MMP12: variants seen among roughly 807,000 people sequenced by gnomAD.
MMP12 encodes the protein matrix metallopeptidase 12, also known as macrophage metalloelastase.
A neutral mutation model predicts 45.2 loss-of-function variants in MMP12; 51 were observed. The ratio of observed to expected loss-of-function variants is 1.13; its 90% confidence interval spans 0.90 to 1.42. The LOEUF (loss-of-function observed/expected upper bound fraction) is 1.42. Ranked by LOEUF, MMP12 falls within the 40% of genes most tolerant of loss-of-function variation. MMP12 has a pLI of 0.00. For synonymous variants in MMP12, 210 were observed against 193.3 expected (o/e 1.09, Z -0.72); for missense variants, 530 against 570.8 (o/e 0.93, Z 0.73).
At chr11:102,873,961 G>A (rs910201603) in intron 1 of MMP12, among the ~76,000 whole-genome samples, 18 of 151,202 alleles carry the variant, frequency 1.2e-4, no homozygotes, top group Admixed American at 2.0e-4. Context: ...CCCAGGAGAC[G>A]GAGGTTGCAG....
Position 102,866,322 on chromosome 11 carries a change from A to T in MMP12, c.1038T>A (p.Leu346=). Residue 346 remains leucine (L), a synonymous_variant, in exon 7 of 10, where the codon CTT becomes CTA. Coordinates refer to ENST00000571244, the MANE Select transcript of MMP12 (RefSeq NM_002426.6). ...ACTAAAGATTAGAATTACCTTTAAAAAGAAAAACTTGATTTCTGGCTTCAA... is the reference window on the plus strand; with the variant it reads ...ACTAAAGATTAGAATTACCTTTAAATAGAAAAACTTGATTTCTGGCTTCAA... The part of the protein sequence containing the change: ...YEIEARNQVF[L]FKDDKYWLIS... The T allele has an allele frequency of 6.3e-7, 1 of 1,577,066 alleles. No individual in the cohort carries two copies. Among genetic ancestry groups the T allele is most frequent in the Admixed American group, 1.9e-5 (1 of 53,218 alleles).
chr11:102,874,136 A>G (rs897712763), intron 1 of MMP12, among the ~76,000 whole-genome samples: 2 of 152,120 alleles, frequency 1.3e-5, no homozygotes, highest in East Asian at 1.9e-4. Context: ...ACTCAAAGCT[A>G]AACAAAATGG....
chr11:102,867,771 G>C (rs1333241603), intron 5 of MMP12, 137 bp downstream of exon 5: 8 of 885,516 alleles, frequency 9.0e-6, no homozygotes, highest in Non-Finnish European at 1.4e-5. Flanking sequence ...GATAATACCT[G>C]TGTCACCTGC....
intron 9 of MMP12, among the ~76,000 whole-genome samples, 197 bp from the exon 10 acceptor site, chr11:102,863,397 A>G (rs1555008096): frequency 6.6e-6 from 1 of 152,170 alleles, no homozygotes; most frequent in Non-Finnish European, 1.5e-5. Flanking sequence ...CAGCCTGGCC[A>G]TCATCACAAG....
chr11:102,866,274 C>T (rs563624648), intron 7 of MMP12, 41 bp downstream of exon 7: 2 of 1,523,040 alleles, frequency 1.3e-6, no homozygotes, highest in African/African-American at 1.4e-5. Context: ...TATTCTCTTC[C>T]TTGAAGTAAA....
At position 102,872,922 on chromosome 11, in the gene MMP12, TG is replaced by T; in HGVS notation, c.292del (p.His98IlefsTer28). 1 of 1,613,858 alleles carries T rather than the reference TG, an allele frequency of 6.2e-7. No individual in the cohort carries two copies. Among genetic ancestry groups the T allele is most frequent in the South Asian group, 1.1e-5 (1 of 91,036 alleles). On this transcript the variant is annotated frameshift_variant, in exon 2 of 10. Coordinates refer to ENST00000571244, the MANE Select transcript of MMP12 (RefSeq NM_002426.6). LOFTEE classifies it high-confidence loss of function. Reference sequence around the variant, plus strand: ...CCCCCCTGGCATTTCCCTGAAATGATGGACATCGGGGACTCCACATCGAGGT... The same window carrying T: ...CCCCCCTGGCATTTCCCTGAAATGATGACATCGGGGACTCCACATCGAGGT... ...HAPRCGVPDV[H>X]HFREMPGGPV...
rs1555008856 is a variant in MMP12 at position 102,868,061 on chromosome 11, A to G, written c.634T>C (p.Leu212=). The G allele has an allele frequency of 6.3e-7, 1 of 1,594,886 alleles. No homozygotes were observed. Among genetic ancestry groups the G allele is most frequent in the South Asian group, 1.1e-5 (1 of 87,426 alleles). Residue 212 remains leucine, a synonymous_variant, in exon 5 of 10, where the codon TTG becomes CTG. Coordinates refer to ENST00000571244, the MANE Select transcript of MMP12 (RefSeq NM_002426.6). ...ATCTCGTGAACAGCAGTGAGGAACA[A>G]GTTTGTGCCTAAGAAGAAACCAACC... ...FWTTHSGGTN[L]FLTAVHEIGH...
intron 5 of MMP12, among the ~76,000 whole-genome samples, chr11:102,867,624 G>C (rs1859416325): frequency 6.6e-6 from 1 of 152,016 alleles, no homozygotes; most frequent in African/African-American, 2.4e-5. Flanking sequence ...AGTTATAATA[G>C]ATTGTTTAAT....
At chr11:102,867,856 T>G (rs1315271415) in intron 5 of MMP12, 52 bp downstream of exon 5, 7 of 1,524,242 alleles carry the variant, frequency 4.6e-6, no homozygotes, top group Non-Finnish European at 5.4e-6. Context: ...TGTTAGACTA[T>G]TCATAAAAGC....
intron 5 of MMP12, 77 bp from the exon 6 acceptor site, chr11:102,867,470 T>C: frequency 7.6e-7 from 1 of 1,321,762 alleles, no homozygotes; most frequent in Non-Finnish European, 1.0e-6. Flanking sequence ...ATGTTTTAAA[T>C]ACTCAATTTT....
intron 5 of MMP12, 118 bp from the exon 6 acceptor site, chr11:102,867,511 A>G: frequency 2.8e-6 from 3 of 1,057,210 alleles, no homozygotes; most frequent in Admixed American, 6.6e-5. Context: ...AATCATTTTA[A>G]GCTTTCTATA....
chr11:102,868,886 T>C (rs1455471274), intron 4 of MMP12, among the ~76,000 whole-genome samples: 1 of 152,226 alleles, frequency 6.6e-6, no homozygotes, highest in Non-Finnish European at 1.5e-5. Context: ...ATATTTGGAC[T>C]ACCAAGTTAC....
Position 102,865,556 on chromosome 11 carries a change from TA to T in MMP12, c.1205+219del, listed in dbSNP as rs28381687. ...TGACATTTTATTTAGAGTGTTTTTTTAAAAAAAAACACACATTATCTACTAT... is the reference window on the plus strand; with the variant it reads ...TGACATTTTATTTAGAGTGTTTTTTTAAAAAAAACACACATTATCTACTAT... On this transcript the variant is annotated intron_variant, in intron 8 of 9. Transcript: ENST00000571244. This position sits in a 1 kb window ranked among gnomAD's most constrained non-coding sequence, Gnocchi z 4.1. Among the ~76,000 whole-genome samples the T allele has an allele frequency of 0.029, 4,348 of 151,442 alleles. 98 individuals are homozygous for T. Among genetic ancestry groups the T allele is most frequent in the Non-Finnish European group, 0.045 (3,068 of 67,798 alleles).
intron 6 of MMP12, among the ~76,000 whole-genome samples, chr11:102,866,942 A>C (rs782550891): frequency 1.3e-5 from 2 of 152,176 alleles, no homozygotes; most frequent in Non-Finnish European, 2.9e-5. Context: ...TTGCATAGGT[A>C]CTGTTTTACA....
intron 4 of MMP12, among the ~76,000 whole-genome samples, chr11:102,870,369 A>C (rs1859469865): frequency 6.6e-6 from 1 of 152,242 alleles, no homozygotes; most frequent in Admixed American, 6.5e-5. Flanking sequence ...ACAATACAAA[A>C]GTCCTCTTCT....
At chr11:102,866,165 G>A in intron 7 of MMP12, 150 bp downstream of exon 7, 1 of 891,546 alleles carries the variant, frequency 1.1e-6, no homozygotes, top group Non-Finnish European at 1.6e-6. Flanking sequence ...TAGGTATTTA[G>A]GCTATTTTAG....
intron 1 of MMP12, among the ~76,000 whole-genome samples, chr11:102,874,191 G>C (rs1386802867): frequency 6.6e-6 from 1 of 151,858 alleles, no homozygotes; most frequent in Non-Finnish European, 1.5e-5. Context: ...AGAAAATAGG[G>C]AGACCAAACT....
At chr11:102,867,212 A>G (rs1351841250) in intron 6 of MMP12, 58 bp downstream of exon 6, 3 of 1,431,446 alleles carry the variant, frequency 2.1e-6, no homozygotes, top group Non-Finnish European at 2.8e-6. Flanking sequence ...CTGTTTTCTG[A>G]CAAAAAAAAT....
chr11:102,873,248 A>C, intron 1 of MMP12, 136 bp from the exon 2 acceptor site: 1 of 785,572 alleles, frequency 1.3e-6, no homozygotes, highest in Non-Finnish European at 2.0e-6. Flanking sequence ...AGGTTAGATT[A>C]TTGTTTTTTG....
Sources: allele counts gnomAD v4.1 joint callset (sites outside exome capture counted in the v4.1 genomes callset), GRCh38; gene constraint gnomAD v4.1.1; non-coding constraint Gnocchi (gnomAD v3.1); transcripts MANE v1.5; gene names NCBI Gene and HGNC (gene_info 2026-07-23, HGNC 2026-07-21).